Variants in ARSL observed in about 807,000 individuals in gnomAD.
ARSL encodes arylsulfatase L.
A neutral mutation model predicts 31.1 loss-of-function variants in ARSL; 4 were observed. The ratio of observed to expected loss-of-function variants is 0.13; its 90% confidence interval spans 0.06 to 0.29. The LOEUF is 0.29. Ranked by LOEUF, ARSL falls within the 10% of genes least tolerant of loss-of-function variation. The pLI is 1.00. For synonymous variants in ARSL, 198 were observed against 209.9 expected, an observed-to-expected ratio of 0.94 and a Z score of 0.49; for missense variants, 312 against 497.8, an observed-to-expected ratio of 0.63 and a Z score of 3.55.
intron 3 of ARSL, 75 bp downstream of exon 3, chrX:2,958,199 A>T (rs2089552979): frequency 8.6e-7 from 1 of 1,159,484 alleles, no homozygotes; most frequent in South Asian, 1.9e-5. Context: ...CAAGGGTTAT[A>T]TGCATTTTCA....
chrX:2,958,433 A>G lies in ARSL; in HGVS notation c.26T>C (p.Leu9Ser), dbSNP rs1421666295. MLHLHHSCLCFRSWLPAML... is the reference protein window; with the variant it reads MLHLHHSCSCFRSWLPAML... ...CGCTGGCAGCCAGCTCCTGAAACACAAACTGTCAGAGACTGCGTCATGCTC... is the reference window on the plus strand; with the variant it reads ...CGCTGGCAGCCAGCTCCTGAAACACGAACTGTCAGAGACTGCGTCATGCTC... Residue 9 changes from leucine to serine, a missense_variant and splice_region_variant, in exon 3 of 11, where the codon TTG becomes TCG. Transcript: ENST00000381134. 1 of 1,211,925 alleles carries G rather than the reference A, an allele frequency of 8.3e-7. No individual in the cohort carries two copies. The highest frequency in any genetic ancestry group is 1.1e-6 in the Non-Finnish European group (1 of 895,566).
chrX:2,968,104 T>G (rs887189065), upstream of ARSL: 22 of 1,149,679 alleles, frequency 1.9e-5, no homozygotes, highest in Non-Finnish European at 2.5e-5. Flanking sequence ...TCTCTGCACG[T>G]GCAAAAGCCG....
Position 2,949,319 on chromosome X carries a change from G to A in ARSL, c.839C>T (p.Ala280Val), listed in dbSNP as rs745362620. The A allele has an allele frequency of 8.3e-6, 10 of 1,209,523 alleles. No homozygotes were observed. The highest frequency in any genetic ancestry group is 1.8e-5 in the African/African-American group (1 of 57,071). ...TTCTGCTGACCTTTTGAGAAAGGACGCAACCTCCTGCAGAATAAGGGGTGT... is the reference window on the plus strand; with the variant it reads ...TTCTGCTGACCTTTTGAGAAAGGACACAACCTCCTGCAGAATAAGGGGTGT... ...RTTPLILQEV[A>V]SFLKRNKHGP... The change falls in exon 6 of 11, where the codon GCG (alanine) becomes GTG (valine). Residue 280 changes from alanine to valine, a missense_variant. Transcript: ENST00000381134.
chrX:2,937,611 G>C (rs1197906992), intron 9 of ARSL, among the ~76,000 whole-genome samples: 2 of 110,270 alleles, frequency 1.8e-5, no homozygotes, highest in Admixed American at 9.7e-5. Context: ...TTATTGGGGG[G>C]TCTAAAAGAA....
chrX:2,966,147 T>C (rs780556766), upstream of ARSL, among the ~76,000 whole-genome samples: 1 of 111,978 alleles, frequency 8.9e-6, no homozygotes, highest in East Asian at 2.8e-4. Flanking sequence ...TTCCTCCTTA[T>C]GTGGGGGTGG....
intron 2 of ARSL, chrX:2,959,458 C>A: frequency 1.3e-6 from 1 of 762,830 alleles, no homozygotes; most frequent in Non-Finnish European, 1.8e-6. Flanking sequence ...CCTGGGAATG[C>A]ACATGGACAG....
intron 3 of ARSL, among the ~76,000 whole-genome samples, chrX:2,956,650 C>T (rs946773250): frequency 1.8e-5 from 2 of 109,011 alleles, no homozygotes; most frequent in Non-Finnish European, 3.8e-5. Context: ...TTAGTAGAGA[C>T]GGGGGTTTCA....
At chrX:2,944,227 G>A (rs1005905964) in intron 7 of ARSL, among the ~76,000 whole-genome samples, 18 of 108,789 alleles carry the variant, frequency 1.7e-4, no homozygotes, top group African/African-American at 5.0e-4. Context: ...AGGCTGAGGC[G>A]GGCGGATCAC....
chrX:2,943,283 G>A, intron 7 of ARSL, 84 bp from the exon 8 acceptor site: 1 of 1,109,002 alleles, frequency 9.0e-7, no homozygotes, highest in South Asian at 1.9e-5. Flanking sequence ...TAGCATTCGG[G>A]GGCTAGCCAC....
chrX:2,954,982 G>T (rs2089506479), intron 4 of ARSL, among the ~76,000 whole-genome samples: 1 of 111,913 alleles, frequency 8.9e-6, no homozygotes, highest in Non-Finnish European at 1.9e-5. Context: ...ACCTGATTCT[G>T]GGGGGATTAG....
intron 4 of ARSL, among the ~76,000 whole-genome samples, chrX:2,955,206 C>T (rs1301380252): frequency 8.9e-6 from 1 of 112,390 alleles, no homozygotes. Flanking sequence ...TGCCTGGGCA[C>T]GGTGGCTCAT....
At chrX:2,945,872 T>C in intron 7 of ARSL, 126 bp downstream of exon 7, 1 of 979,615 alleles carries the variant, frequency 1.0e-6, no homozygotes, top group Non-Finnish European at 1.4e-6. Flanking sequence ...TTTTGCACTC[T>C]TAAAATCCAA....
At chrX:2,958,480 C>G in intron 2 of ARSL, 45 bp from the exon 3 acceptor site, 1 of 1,189,977 alleles carries the variant, frequency 8.4e-7, no homozygotes, top group Non-Finnish European at 1.1e-6. Context: ...ATTTGCAGAA[C>G]TTGTGTATGG....
upstream of ARSL, among the ~76,000 whole-genome samples, chrX:2,965,171 G>A (rs2147426418): frequency 8.9e-6 from 1 of 111,757 alleles, no homozygotes; most frequent in African/African-American, 3.2e-5. Flanking sequence ...AAATAAAAAA[G>A]AAAACATTTC....
At chrX:2,959,133 A>G (rs1423598018) in intron 2 of ARSL, among the ~76,000 whole-genome samples, 1 of 111,636 alleles carries the variant, frequency 9.0e-6, no homozygotes, top group African/African-American at 3.3e-5. Flanking sequence ...AACATAGGGA[A>G]TGGAGGCTGG....
At chrX:2,963,697 T>G (rs888370193) in intron 1 of ARSL, among the ~76,000 whole-genome samples, 4 of 106,518 alleles carry the variant, frequency 3.8e-5, no homozygotes. Context: ...CATGCCACTA[T>G]GCCTGGCTAT....
At chrX:2,964,594 G>T, upstream of ARSL, 1 of 340,805 alleles carries the variant, frequency 2.9e-6, no homozygotes, top group Non-Finnish European at 3.8e-6. Flanking sequence ...TGGGATTACA[G>T]ATGTGAGTCA....
chrX:2,959,464 G>T, intron 2 of ARSL: 5 of 808,200 alleles, frequency 6.2e-6, no homozygotes, highest in South Asian at 6.9e-5. Context: ...AATGCACATG[G>T]ACAGCAGGGC....
At chrX:2,943,684 G>C (rs1309958438) in intron 7 of ARSL, among the ~76,000 whole-genome samples, 1 of 93,436 alleles carries the variant, frequency 1.1e-5, no homozygotes, top group Non-Finnish European at 2.0e-5. Flanking sequence ...GGAGATTGCT[G>C]TGAGCTGAGA....
Sources: gnomAD v4.1 joint callset for allele counts (sites outside exome capture counted in the v4.1 genomes callset) on GRCh38, gnomAD v4.1.1 for gene constraint, MANE v1.5 for transcripts, NCBI Gene and HGNC (gene_info 2026-07-23, HGNC 2026-07-21) for gene names.